Variants in DGKB observed in about 807,000 individuals in gnomAD.
DGKB encodes 90 kDa diacylglycerol kinase.
Under a neutral mutation model 114.3 loss-of-function variants are expected in DGKB, and 67 were observed. The observed-to-expected ratio is 0.59, with a 90% CI of 0.48 to 0.72. DGKB has a LOEUF of 0.72. Ranked by LOEUF, DGKB falls within the 30% of genes least tolerant of loss-of-function variation. The pLI, the probability that DGKB is intolerant of heterozygous loss-of-function variation, is 0.00. For synonymous variants in DGKB, 398 were observed against 323.1 expected, an observed-to-expected ratio of 1.23 and a Z score of -2.49; for missense variants, 907 against 975.2, an observed-to-expected ratio of 0.93 and a Z score of 0.93.
chr7:14,794,100 C>T (rs1841068180), intron 2 of DGKB, among the ~76,000 whole-genome samples: 1 of 152,150 alleles, frequency 6.6e-6, no homozygotes, highest in Non-Finnish European at 1.5e-5. Flanking sequence ...CATTGTGAGA[C>T]TTCTCAGCCT....
At chr7:14,955,756 G>A (rs948328629) in intron 1 of DGKB, among the ~76,000 whole-genome samples, 1 of 152,014 alleles carries the variant, frequency 6.6e-6, no homozygotes, top group African/African-American at 2.4e-5. Flanking sequence ...GCTGATAAAC[G>A]AAGCTGCTCT....
intron 13 of DGKB, among the ~76,000 whole-genome samples, chr7:14,643,091 A>T (rs1476736452): frequency 1.3e-5 from 2 of 152,208 alleles, no homozygotes; most frequent in Non-Finnish European, 2.9e-5. Flanking sequence ...GGGAGAACAC[A>T]AATTCAGCAA....
intron 20 of DGKB, among the ~76,000 whole-genome samples, chr7:14,567,711 C>T (rs1191211720): frequency 6.7e-6 from 1 of 149,178 alleles, no homozygotes; most frequent in Non-Finnish European, 1.5e-5. Context: ...GGTTCAAGCA[C>T]TTGTCCTGCC....
At chr7:14,292,659 G>C (rs1236735814) in intron 23 of DGKB, among the ~76,000 whole-genome samples, 2 of 152,190 alleles carry the variant, frequency 1.3e-5, no homozygotes, top group South Asian at 2.1e-4. Context: ...TCAGATCCTG[G>C]GGTGGTCTTA....
rs187294159 is a variant in DGKB at position 14,550,410 on chromosome 7, T to A, written c.1770+23802A>T. ...ATTATCAAATATTTGAGATTAAGAATCTTTTTGTGATTGGTAATTTACTCA... is the reference window on the plus strand; with the variant it reads ...ATTATCAAATATTTGAGATTAAGAAACTTTTTGTGATTGGTAATTTACTCA... On this transcript the variant is annotated intron_variant, in intron 20 of 25. Transcript: ENST00000402815. 2.4e-3 allele frequency among the ~76,000 whole-genome samples: 366 copies of A among 152,280 alleles called. 6 individuals carry two copies. The highest frequency in any genetic ancestry group is 8.4e-3 in the African/African-American group (351 of 41,564).
intron 23 of DGKB, among the ~76,000 whole-genome samples, chr7:14,306,932 G>A (rs907902214): frequency 6.6e-6 from 1 of 152,026 alleles, no homozygotes; most frequent in Non-Finnish European, 1.5e-5. Context: ...TACCTAATTT[G>A]TTCCTGTTCT....
chr7:14,754,543 C>T (rs955692577), intron 3 of DGKB, among the ~76,000 whole-genome samples: 3 of 150,846 alleles, frequency 2.0e-5, no homozygotes, highest in Non-Finnish European at 4.4e-5. Context: ...GTGAGTGGAA[C>T]AATTTGGAAT....
chr7:14,598,023 T>C (rs1042479953), intron 17 of DGKB, among the ~76,000 whole-genome samples: 2 of 152,166 alleles, frequency 1.3e-5, no homozygotes, highest in African/African-American at 4.8e-5. Flanking sequence ...CACCAGAATC[T>C]ACATTCAAAT....
intron 25 of DGKB, among the ~76,000 whole-genome samples, chr7:14,167,971 T>C (rs552600166): frequency 3.3e-5 from 5 of 152,284 alleles, no homozygotes; most frequent in Middle Eastern, 3.4e-3. Flanking sequence ...AGGGGAAATA[T>C]AGCCAATGAT....
At chr7:14,406,477 T>C (rs759200202) in intron 21 of DGKB, among the ~76,000 whole-genome samples, 13 of 151,980 alleles carry the variant, frequency 8.6e-5, no homozygotes, top group Non-Finnish European at 1.3e-4. Context: ...TAGAAAAAAG[T>C]GTTGGCTCTA....
At chr7:14,572,917 A>G (rs765861561) in intron 20 of DGKB, among the ~76,000 whole-genome samples, 1 of 152,190 alleles carries the variant, frequency 6.6e-6, no homozygotes, top group Non-Finnish European at 1.5e-5. Context: ...ATTTTTAAAT[A>G]TAGAATGTCC....
chr7:14,248,325 C>T (rs927828393), intron 23 of DGKB, among the ~76,000 whole-genome samples: 1 of 151,984 alleles, frequency 6.6e-6, no homozygotes, highest in Admixed American at 6.5e-5. Context: ...ATTGCTTTGG[C>T]TATTTGGGGT....
intron 2 of DGKB, among the ~76,000 whole-genome samples, chr7:14,783,135 A>G (rs1473322244): frequency 6.6e-6 from 1 of 152,132 alleles, no homozygotes; most frequent in Non-Finnish European, 1.5e-5. Context: ...AATCCTTTTC[A>G]CCATCCCTGG....
At chr7:14,152,251 C>T (rs577377664) in intron 25 of DGKB, among the ~76,000 whole-genome samples, 5 of 152,162 alleles carry the variant, frequency 3.3e-5, no homozygotes, top group South Asian at 2.1e-4. Context: ...TTCTATTAAG[C>T]GTCAGGTAAT....
Position 14,745,218 on chromosome 7 carries a change from C to T in DGKB, c.168+8710G>A, listed in dbSNP as rs73064724. ...TAATAACTCCGTTTGTCTCTTCTCA[C>T]CTTCAGGCCATCAAACTCCAAGCGA... On this transcript the variant is annotated intron_variant, in intron 4 of 25. Transcript: ENST00000402815. 1.6e-3 allele frequency among the ~76,000 whole-genome samples: 237 copies of T among 152,290 alleles called. 1 individual carries two copies. The Middle Eastern group carries it at 0.02, about 13-fold the overall frequency.
chr7:14,826,576 A>G (rs115798504), intron 2 of DGKB, among the ~76,000 whole-genome samples: 331 of 152,242 alleles, frequency 2.2e-3, no homozygotes, highest in African/African-American at 7.8e-3. Context: ...ATATATCAAG[A>G]GCCAGTATAG....
intron 2 of DGKB, chr7:14,814,286 C>G (rs554958350): frequency 6.6e-6 from 1 of 152,240 alleles, no homozygotes; most frequent in East Asian, 1.9e-4. Flanking sequence ...ACGACCATTA[C>G]AACCACTTTA....
At chr7:14,425,464 T>A (rs1021577793) in intron 21 of DGKB, among the ~76,000 whole-genome samples, 6 of 152,238 alleles carry the variant, frequency 3.9e-5, no homozygotes, top group Non-Finnish European at 5.9e-5. Context: ...AAATGCCATT[T>A]TCATACTGAA....
At position 14,170,002 on chromosome 7, in the gene DGKB, C is replaced by T. The variant is rs943131286; in HGVS notation, c.2304+6837G>A. 1.4e-4 allele frequency among the ~76,000 whole-genome samples: 21 copies of T among 151,558 alleles called. No individual in the cohort carries two copies. The South Asian group carries it at 2.7e-3, about 19-fold the overall frequency. On this transcript the variant is annotated intron_variant, in intron 25 of 25. Coordinates refer to ENST00000402815, the MANE Select transcript of DGKB (RefSeq NM_001350709.2). The stretch of plus-strand genomic sequence containing the variant: ...ATACAAAATTAGCCAGGTGTGGTGG[C>T]ACATGCCTGTAATCCCAGCTACTTG...
Sources: allele counts gnomAD v4.1 joint callset (sites outside exome capture counted in the v4.1 genomes callset), GRCh38; gene constraint gnomAD v4.1.1; transcripts MANE v1.5; gene names NCBI Gene and HGNC (gene_info 2026-07-23, HGNC 2026-07-21).